PTPN22: variants seen among roughly 807,000 people sequenced by gnomAD.
PTPN22 encodes tyrosine-protein phosphatase non-receptor type 22.
PTPN22 carries 85 observed loss-of-function variants against 103.3 expected under a neutral mutation model. The observed-to-expected ratio is 0.82, with a 90% confidence interval of 0.69 to 0.99. The LOEUF is 0.99. Among genes scored for constraint, PTPN22 ranks in the 50% least tolerant of loss-of-function variants. The pLI is 0.00. For missense variants in PTPN22, 865 were observed against 936.9 expected, an observed-to-expected ratio of 0.92 and a Z score of 1.00; for synonymous variants, 323 against 310.2, an observed-to-expected ratio of 1.04 and a Z score of -0.43.
intron 11 of PTPN22, among the ~76,000 whole-genome samples, chr1:113,840,415 A>G (rs1455920448): frequency 6.6e-6 from 1 of 152,190 alleles, no homozygotes; most frequent in East Asian, 1.9e-4. Flanking sequence ...AAAGAACATT[A>G]AGGAAACAGT....
rs181822488 is a variant in PTPN22 at position 113,836,794 on chromosome 1, C to T, written c.1810+796G>A. Among the ~76,000 whole-genome samples the T allele has an allele frequency of 5.1e-3, 779 of 151,420 alleles. 3 individuals carry two copies. The highest frequency in any genetic ancestry group is 0.018 in the African/African-American group (745 of 41,298). On this transcript the variant is annotated intron_variant, in intron 13 of 20. Coordinates refer to ENST00000359785, the Ensembl canonical transcript of PTPN22. ...AAAAAAAATTAGCCAGGCATGGTGG[C>T]GTGTCCCTGTGGTCCCAGCTACTTG...
chr1:113,858,948 C>A, intron 3 of PTPN22, 54 bp downstream of exon 3: 2 of 1,581,992 alleles, frequency 1.3e-6, no homozygotes, highest in South Asian at 1.1e-5. Context: ...CAGCCCTCCC[C>A]TTTTTTTGGG....
At chr1:113,823,862 A>G (rs906262332) in intron 19 of PTPN22, among the ~76,000 whole-genome samples, 2 of 152,216 alleles carry the variant, frequency 1.3e-5, no homozygotes, top group Non-Finnish European at 2.9e-5. Context: ...TTCAGCCATC[A>G]TGAGTTGGTG....
chr1:113,856,568 C>T, exon 6 of PTPN22: 1 of 1,614,172 alleles, frequency 6.2e-7, no homozygotes, highest in Non-Finnish European at 8.5e-7. Context: ...GAGAAAGGGC[C>T]AAATTCCAGC....
chr1:113,824,442 T>G (rs900952285), intron 19 of PTPN22, among the ~76,000 whole-genome samples: 1 of 152,240 alleles, frequency 6.6e-6, no homozygotes, highest in East Asian at 1.9e-4. Context: ...ATAAGATTTC[T>G]AAGATAATTT....
intron 18 of PTPN22, among the ~76,000 whole-genome samples, chr1:113,828,255 T>G (rs1662257554): frequency 6.6e-6 from 1 of 152,170 alleles, no homozygotes; most frequent in Non-Finnish European, 1.5e-5. Flanking sequence ...TCTCTTTTAT[T>G]TAGCTGAATT....
At chr1:113,856,262 A>T (rs1300560052) in intron 7 of PTPN22, 120 bp downstream of exon 7, 23 of 1,326,644 alleles carry the variant, frequency 1.7e-5, no homozygotes, top group Non-Finnish European at 2.1e-5. Context: ...AGACTCATTC[A>T]TGACATCAAA....
At chr1:113,822,965 A>AT (rs1466668222) in intron 19 of PTPN22, among the ~76,000 whole-genome samples, 2 of 152,202 alleles carry the variant, frequency 1.3e-5, no homozygotes, top group Non-Finnish European at 2.9e-5. Flanking sequence ...TCTCAAAAAA[A>AT]GCGGGGGCTT....
exon 2 of PTPN22, chr1:113,859,411 G>A (rs1258423790): frequency 6.2e-7 from 1 of 1,613,872 alleles, no homozygotes; most frequent in African/African-American, 1.3e-5. Context: ...AGCCACAGTT[G>A]TAGGATAGGT....
exon 4 of PTPN22, chr1:113,858,543 T>A: frequency 6.2e-7 from 1 of 1,602,878 alleles, no homozygotes; most frequent in Non-Finnish European, 8.5e-7. Flanking sequence ...GGACCCTGGG[T>A]GGCAATATAA....
chr1:113,813,911 A>G (rs1660978287), exon 21 of PTPN22: 1 of 152,380 alleles, frequency 6.6e-6, no homozygotes, highest in South Asian at 2.1e-4. Flanking sequence ...TTGGACTTCC[A>G]AATGAAAAAT....
At chr1:113,831,275 T>G (rs1571362881) in intron 16 of PTPN22, among the ~76,000 whole-genome samples, 1 of 152,282 alleles carries the variant, frequency 6.6e-6, no homozygotes, top group African/African-American at 2.4e-5. Flanking sequence ...ACACATAAGA[T>G]TTGCCATTAG....
rs1289296995 is a variant in PTPN22 at position 113,838,636 on chromosome 1, G to A, written c.916-16C>T. The A allele has an allele frequency of 2.5e-6, 4 of 1,607,042 alleles. No homozygotes were observed. In the African/African-American group the frequency reaches 5.4e-5, roughly 22 times the overall value. On this transcript the variant is annotated splice_polypyrimidine_tract_variant and intron_variant, in intron 11 of 20. Transcript: ENST00000359785. ...TTGCTTGACTCTTTAAAAGAAATAA[G>A]TCAGAGGCTGGTTTTCAGTGAAGCA...
chr1:113,864,606 C>T (rs1214786542), intron 1 of PTPN22, among the ~76,000 whole-genome samples: 2 of 143,856 alleles, frequency 1.4e-5, no homozygotes, highest in African/African-American at 5.1e-5. Context: ...CCAAGTGAGG[C>T]CCTGTCTCAA....
chr1:113,858,639 C>G, intron 3 of PTPN22, 66 bp from the exon 4 acceptor site: 1 of 991,000 alleles, frequency 1.0e-6, no homozygotes, highest in Non-Finnish European at 1.5e-6. Context: ...TAGTCCTCCG[C>G]TTCCTTTTTT....
intron 1 of PTPN22, among the ~76,000 whole-genome samples, chr1:113,869,849 T>C (rs1342357887): frequency 6.6e-6 from 1 of 152,130 alleles, no homozygotes; most frequent in African/African-American, 2.4e-5. Flanking sequence ...ACTTCCTACT[T>C]ATCTCCTTTC....
intron 1 of PTPN22, among the ~76,000 whole-genome samples, chr1:113,870,743 G>T (rs572162605): frequency 6.6e-6 from 1 of 152,268 alleles, no homozygotes; most frequent in South Asian, 2.1e-4. Flanking sequence ...ATGATGGCCA[G>T]ACATAGTGGT....
exon 12 of PTPN22, chr1:113,838,562 G>A (rs1286919695): frequency 9.3e-6 from 15 of 1,613,228 alleles, no homozygotes; most frequent in Non-Finnish European, 1.2e-5. Context: ...TAAATTAGGA[G>A]AATAAGAGTC....
chr1:113,870,871 A>T (rs980109956), intron 1 of PTPN22, among the ~76,000 whole-genome samples: 11 of 151,798 alleles, frequency 7.2e-5, no homozygotes, highest in Non-Finnish European at 1.6e-4. Context: ...GAAAAAAACA[A>T]TTTTTTTTTA....
Sources: gnomAD v4.1 joint callset for allele counts (sites outside exome capture counted in the v4.1 genomes callset) on GRCh38, gnomAD v4.1.1 for gene constraint, MANE v1.5 for transcripts, NCBI Gene and HGNC (gene_info 2026-07-23, HGNC 2026-07-21) for gene names.